The following RBMS1 variants were observed in gnomAD, a reference collection of about 807,000 sequenced individuals.
The protein encoded by RBMS1 is RNA binding motif single stranded interacting protein 1, also known as RNA-binding motif, single-stranded-interacting protein 1.
Under a neutral mutation model 62.3 loss-of-function variants are expected in RBMS1, and 17 were observed. The ratio of observed to expected loss-of-function variants is 0.27; its 90% CI spans 0.19 to 0.41. The LOEUF (loss-of-function observed/expected upper bound fraction) is 0.41, where lower values mean the gene tolerates loss of function less well. Ranked by LOEUF, RBMS1 falls within the 10% of genes least tolerant of loss-of-function variation. The pLI is 1.00. For synonymous variants in RBMS1, 172 were observed against 170.0 expected (o/e 1.01, Z -0.09); for missense variants, 334 against 504.5 (o/e 0.66, Z 3.24).
chr2:160,297,679 G>A (rs1689009216), intron 6 of RBMS1, among the ~76,000 whole-genome samples: 1 of 152,184 alleles, frequency 6.6e-6, no homozygotes, highest in South Asian at 2.1e-4. Context: ...GGCAAGCCCT[G>A]AACACAGTCT....
At chr2:160,366,831 T>G (rs1693423261) in intron 2 of RBMS1, 1 of 164,900 alleles carries the variant, frequency 6.1e-6, no homozygotes. Flanking sequence ...TTAACAATCT[T>G]TCTGACAAAC....
chr2:160,459,736 T>C (rs1684386732), intron 1 of RBMS1, among the ~76,000 whole-genome samples: 1 of 152,220 alleles, frequency 6.6e-6, no homozygotes. Context: ...TAGAAAGTAA[T>C]GTTTCACAAT....
At chr2:160,316,434 C>A (rs1690223829) in intron 3 of RBMS1, among the ~76,000 whole-genome samples, 2 of 152,140 alleles carry the variant, frequency 1.3e-5, no homozygotes, top group South Asian at 4.1e-4. Context: ...CTTCTTGTAT[C>A]TAAAATAAGT....
intron 1 of RBMS1, among the ~76,000 whole-genome samples, chr2:160,373,313 T>C (rs1693830945): frequency 6.6e-6 from 1 of 152,260 alleles, no homozygotes; most frequent in Non-Finnish European, 1.5e-5. Context: ...CCTAAGTTCA[T>C]GAATAAACCA....
chr2:160,325,732 C>T (rs772154110), intron 2 of RBMS1, among the ~76,000 whole-genome samples: 3 of 152,102 alleles, frequency 2.0e-5, no homozygotes, highest in Admixed American at 6.5e-5. Flanking sequence ...AGGGTCATTA[C>T]CCATGTTATT....
At chr2:160,473,945 A>G (rs1380207844) in intron 1 of RBMS1, among the ~76,000 whole-genome samples, 2 of 152,182 alleles carry the variant, frequency 1.3e-5, no homozygotes, top group Non-Finnish European at 2.9e-5. Context: ...CCTGGTTACT[A>G]TGACAACAGG....
At chr2:160,488,058 T>G (rs1340995157) in intron 1 of RBMS1, among the ~76,000 whole-genome samples, 1 of 152,234 alleles carries the variant, frequency 6.6e-6, no homozygotes, top group Non-Finnish European at 1.5e-5. Context: ...ACTCTTCTAT[T>G]GACCTCATAT....
chr2:160,355,571 T>C (rs1159887964), intron 2 of RBMS1, among the ~76,000 whole-genome samples: 2 of 152,100 alleles, frequency 1.3e-5, no homozygotes, highest in Admixed American at 1.3e-4. Flanking sequence ...AGGACAAACC[T>C]TGGGGCAGCA....
intron 2 of RBMS1, among the ~76,000 whole-genome samples, chr2:160,323,848 A>C (rs1690733345): frequency 6.6e-6 from 1 of 152,198 alleles, no homozygotes; most frequent in South Asian, 2.1e-4. Context: ...CTCATGTTCA[A>C]ACCTCTTGGC....
chr2:160,462,078 C>T (rs1159525403), intron 1 of RBMS1, among the ~76,000 whole-genome samples: 1 of 152,188 alleles, frequency 6.6e-6, no homozygotes, highest in Non-Finnish European at 1.5e-5. Flanking sequence ...CTAGTGGATG[C>T]CTCACAGGCT....
chr2:160,444,609 T>A (rs980839274), intron 1 of RBMS1, among the ~76,000 whole-genome samples: 1 of 152,212 alleles, frequency 6.6e-6, no homozygotes, highest in Non-Finnish European at 1.5e-5. Context: ...CAGAACCCAC[T>A]GCCTTTGTGC....
At chr2:160,338,364 A>G (rs1345706399) in intron 2 of RBMS1, among the ~76,000 whole-genome samples, 2 of 152,184 alleles carry the variant, frequency 1.3e-5, no homozygotes, top group African/African-American at 2.4e-5. Flanking sequence ...TATAACTGAG[A>G]AAGTTGGAGT....
intron 2 of RBMS1, among the ~76,000 whole-genome samples, chr2:160,341,191 T>G (rs1167253990): frequency 6.6e-6 from 1 of 152,196 alleles, no homozygotes; most frequent in Non-Finnish European, 1.5e-5. Context: ...AATTTTTTCA[T>G]GTCATTAAAT....
At chr2:160,453,654 T>C (rs1440935204) in intron 1 of RBMS1, among the ~76,000 whole-genome samples, 2 of 152,130 alleles carry the variant, frequency 1.3e-5, no homozygotes, top group Admixed American at 6.5e-5. Context: ...CAAACACAGA[T>C]CTGCTCTCTC....
At chr2:160,471,479 G>C (rs1684907554) in intron 1 of RBMS1, among the ~76,000 whole-genome samples, 1 of 151,390 alleles carries the variant, frequency 6.6e-6, no homozygotes, top group Non-Finnish European at 1.5e-5. Context: ...ATCAACTTAT[G>C]GAAAAATTAG....
At chr2:160,450,563 T>TTAAAAAAAA (rs71006605) in intron 1 of RBMS1, among the ~76,000 whole-genome samples, 1 of 122,392 alleles carries the variant, frequency 8.2e-6, no homozygotes, top group Non-Finnish European at 1.6e-5. Flanking sequence ...AAATAAAAAA[T>TTAAAAAAAA]GAAAAAAAAA....
chr2:160,275,615 A>C lies in RBMS1; in HGVS notation c.*7+15T>G, dbSNP rs752757951. ...TGATTTGAGCCCCCCAGTTATGAAG[A>C]CCTTTCCCTCATACCTCACAGTTAC... is the stretch of plus-strand genomic sequence containing the variant. On this transcript the variant is annotated intron_variant, in intron 13 of 13. Coordinates refer to ENST00000348849, the MANE Select transcript of RBMS1 (RefSeq NM_016836.4). 1 of 1,611,624 alleles carries C rather than the reference A, an allele frequency of 6.2e-7. No homozygotes were observed. The highest frequency in any genetic ancestry group is 1.7e-5 in the Admixed American group (1 of 59,910).
At chr2:160,307,040 T>C (rs1056284387) in intron 4 of RBMS1, among the ~76,000 whole-genome samples, 2 of 152,228 alleles carry the variant, frequency 1.3e-5, no homozygotes, top group East Asian at 3.9e-4. Context: ...AGATCTCACA[T>C]TGGCCGTCAG....
chr2:160,439,244 C>G (rs1200401941), intron 1 of RBMS1, among the ~76,000 whole-genome samples: 1 of 151,856 alleles, frequency 6.6e-6, no homozygotes, highest in Non-Finnish European at 1.5e-5. Context: ...CGGAGACGCT[C>G]CTCACTTCCC....
Sources: allele counts gnomAD v4.1 joint callset (sites outside exome capture counted in the v4.1 genomes callset), GRCh38; gene constraint gnomAD v4.1.1; transcripts MANE v1.5; gene names NCBI Gene and HGNC (gene_info 2026-07-23, HGNC 2026-07-21).